The following SASH1 variants were observed in gnomAD, a reference collection of about 807,000 sequenced individuals.
SASH1 encodes the protein SAM and SH3 domain-containing protein 1.
A neutral mutation model predicts 125.2 loss-of-function variants in SASH1; 44 were observed. The ratio of observed to expected loss-of-function variants is 0.35; its 90% confidence interval spans 0.28 to 0.45. The LOEUF is 0.45. Ranked by LOEUF, SASH1 falls within the 20% of genes least tolerant of loss-of-function variation. The pLI is 1.00. For synonymous variants in SASH1, 639 were observed against 649.1 expected, an observed-to-expected ratio of 0.98 and a Z score of 0.24; for missense variants, 1,426 against 1,614.5, an observed-to-expected ratio of 0.88 and a Z score of 2.00.
chr6:148,501,089 T>G (rs1779542284), intron 8 of SASH1, among the ~76,000 whole-genome samples: 2 of 152,084 alleles, frequency 1.3e-5, no homozygotes, highest in Admixed American at 6.6e-5. Context: ...TGCCTCCAGC[T>G]TCGACAGATG....
chr6:148,237,799 C>G, the SASH1 span, among the ~76,000 whole-genome samples: 2 of 152,190 alleles, frequency 1.3e-5, no homozygotes, highest in African/African-American at 2.4e-5. Context: ...AGCTAGCTTT[C>G]CAGCAGAGCT....
chr6:148,450,596 T>C (rs1173973528), intron 4 of SASH1, among the ~76,000 whole-genome samples: 1 of 152,104 alleles, frequency 6.6e-6, no homozygotes, highest in Non-Finnish European at 1.5e-5. Flanking sequence ...CTTTAACACG[T>C]ATCATATCAT....
At chr6:148,421,217 A>AAAGAAAGAAAGAAAG (rs1562396981) in intron 2 of SASH1, among the ~76,000 whole-genome samples, 3 of 146,750 alleles carry the variant, frequency 2.0e-5, no homozygotes, top group Non-Finnish European at 3.0e-5. Flanking sequence ...AAGAAAGAAA[A>AAAGAAAGAAAGAAAG]AGAAAGAAAG....
intron 1 of SASH1, among the ~76,000 whole-genome samples, chr6:148,303,826 T>A (rs575632333): frequency 2.7e-5 from 4 of 147,304 alleles, no homozygotes; most frequent in African/African-American, 5.0e-5. Context: ...AATAAATAAA[T>A]AAAATAAAAA....
intron 2 of SASH1, among the ~76,000 whole-genome samples, chr6:148,425,221 A>G (rs1323744951): frequency 6.6e-6 from 1 of 152,174 alleles, no homozygotes; most frequent in African/African-American, 2.4e-5. Flanking sequence ...TGCATGCACA[A>G]GGCTGCACGC....
intron 2 of SASH1, among the ~76,000 whole-genome samples, chr6:148,397,326 C>CA (rs989707659): frequency 6.6e-6 from 1 of 150,952 alleles, no homozygotes. Context: ...ACTAAAAATC[C>CA]AAAAAAAAAT....
chr6:148,489,513 T>C (rs1779011283), intron 8 of SASH1, among the ~76,000 whole-genome samples: 1 of 152,304 alleles, frequency 6.6e-6, no homozygotes, highest in East Asian at 1.9e-4. Context: ...AATATATCGT[T>C]GGGATATTGA....
chr6:148,291,235 T>C (rs780210748), intron 1 of SASH1, among the ~76,000 whole-genome samples: 8 of 152,206 alleles, frequency 5.3e-5, no homozygotes, highest in Admixed American at 4.6e-4. Context: ...AAGAATAACT[T>C]TGAAATGATA....
intron 7 of SASH1, among the ~76,000 whole-genome samples, chr6:148,477,452 T>G (rs1778413304): frequency 6.6e-6 from 1 of 152,144 alleles, no homozygotes; most frequent in Admixed American, 6.5e-5. Context: ...AAAACAGACA[T>G]GTGAAAAGGT....
intron 17 of SASH1, among the ~76,000 whole-genome samples, chr6:148,542,877 TGTGC>T (rs948672321): frequency 4.2e-5 from 6 of 143,178 alleles, no homozygotes; most frequent in South Asian, 4.5e-4. Context: ...TGTGTGTGTG[TGTGC>T]GCGCGCACAT....
chr6:148,290,339 G>C (rs960078512), intron 1 of SASH1, among the ~76,000 whole-genome samples: 2 of 151,288 alleles, frequency 1.3e-5, no homozygotes, highest in Non-Finnish European at 2.9e-5. Flanking sequence ...GGGCGCGGTG[G>C]CTCATGCCTG....
At chr6:148,362,780 T>C (rs9485286) in intron 1 of SASH1, among the ~76,000 whole-genome samples, 105,103 of 151,874 alleles carry the variant, frequency 0.69, 36,825 homozygotes, top group African/African-American at 0.79. Flanking sequence ...CCCAGGAGGT[T>C]GAGGCTGCAG....
At chr6:148,239,241 T>C in the SASH1 span, among the ~76,000 whole-genome samples, 6,356 of 152,252 alleles carry the variant, frequency 0.042, 172 homozygotes, top group Non-Finnish European at 0.057. Flanking sequence ...ACTAAGTAGT[T>C]TGGGGATGTG....
At chr6:148,528,391 G>T (rs1781316010) in intron 12 of SASH1, among the ~76,000 whole-genome samples, 1 of 152,106 alleles carries the variant, frequency 6.6e-6, no homozygotes. Context: ...AAATATGTAG[G>T]TAATGCACTT....
At position 148,551,410 on chromosome 6, in the gene SASH1, C is replaced by T. The variant is rs552557807; in HGVS notation, c.*2852C>T. 1 of 152,582 alleles carries T rather than the reference C, an allele frequency of 6.6e-6. No individual in the cohort carries two copies. The highest frequency in any genetic ancestry group is 1.5e-5 in the Non-Finnish European group (1 of 68,040). The allele number at this position is 152,582 out of a possible 1,614,324, so 9.5% of individuals were successfully genotyped here. A position where few individuals can be genotyped will look rare whatever the true frequency, so the allele number is the denominator to read the frequency against. ...CACATAACATTGTGTATGATTTTCA[C>T]TTCAAAGCTGTCTGGAAGGAAATGC... is the stretch of plus-strand genomic sequence containing the variant. On this transcript the variant is annotated 3_prime_UTR_variant, in exon 20 of 20. Coordinates refer to ENST00000367467, the MANE Select transcript of SASH1 (RefSeq NM_015278.5).
At chr6:148,338,103 A>G (rs1054769938), upstream of SASH1, among the ~76,000 whole-genome samples, 3 of 137,932 alleles carry the variant, frequency 2.2e-5, no homozygotes, top group Non-Finnish European at 3.3e-5. Flanking sequence ...CAAATGGAGT[A>G]TGATACAGAT....
Position 148,543,884 on chromosome 6 carries a change from C to G in SASH1, c.2414C>G (p.Thr805Ser), listed in dbSNP as rs200090181. 1 of 1,614,196 alleles carries G rather than the reference C, an allele frequency of 6.2e-7. No homozygotes were observed. Among genetic ancestry groups the G allele is most frequent in the Admixed American group, 1.7e-5 (1 of 60,030 alleles). ...AAGAGCTGTGACCCACCTGGTGTGA[C>G]TGGTTTGAATAAAAACCGAAGAAGC... is the stretch of plus-strand genomic sequence containing the variant. The part of the protein sequence containing the change: ...TSKSCDPPGV[T>S]GLNKNRRSLP... Residue 805 changes from threonine to serine, a missense_variant, in exon 18 of 20, where the codon ACT (threonine) becomes AGT (serine). Transcript: ENST00000367467.
intron 4 of SASH1, among the ~76,000 whole-genome samples, chr6:148,451,981 C>G (rs1583183234): frequency 6.6e-6 from 1 of 152,210 alleles, no homozygotes; most frequent in South Asian, 2.1e-4. Flanking sequence ...GTGAGGATGT[C>G]ACACAGAGGC....
chr6:148,216,730 T>C, the SASH1 span, among the ~76,000 whole-genome samples: 2 of 152,168 alleles, frequency 1.3e-5, no homozygotes, highest in East Asian at 3.9e-4. Context: ...CATCTCTTTT[T>C]TCTTTTTCTT....
Sources: allele counts gnomAD v4.1 joint callset (sites outside exome capture counted in the v4.1 genomes callset), GRCh38; gene constraint gnomAD v4.1.1; transcripts MANE v1.5; gene names NCBI Gene and HGNC (gene_info 2026-07-23, HGNC 2026-07-21).